POU5F1: variants seen among roughly 807,000 people sequenced by gnomAD.
POU5F1 encodes the protein POU class 5 homeobox 1.
POU5F1 carries 6 observed loss-of-function variants against 38.3 expected under a neutral mutation model. That is an observed-to-expected ratio of 0.16 (90% CI 0.09 to 0.31). POU5F1 has a LOEUF of 0.31. Ranked by LOEUF, POU5F1 falls within the 10% of genes least tolerant of loss-of-function variation. POU5F1 has a pLI of 1.00. For missense variants in POU5F1, 286 were observed against 462.6 expected, an observed-to-expected ratio of 0.62 and a Z score of 3.50; for synonymous variants, 147 against 194.9, an observed-to-expected ratio of 0.75 and a Z score of 2.05.
At chr6:31,169,923 C>A in intron 1 of POU5F1, 1 of 530,648 alleles carries the variant, frequency 1.9e-6, no homozygotes, top group South Asian at 2.3e-5. Context: ...GTGAGAGACC[C>A]TGACAAGGGC....
chr6:31,170,106 T>C, intron 1 of POU5F1, 110 bp downstream of exon 1: 1 of 1,574,502 alleles, frequency 6.4e-7, no homozygotes, highest in Non-Finnish European at 8.7e-7. Context: ...TGACCCTGCC[T>C]GCTCCTCTCC....
At chr6:31,169,848 A>G (rs575699028) in intron 1 of POU5F1, 1 of 374,244 alleles carries the variant, frequency 2.7e-6, no homozygotes, top group African/African-American at 2.0e-5. Context: ...GCTCAAACCA[A>G]CCCCAAGCTG....
In POU5F1 at chr6:31,165,348, A is replaced by G. The variant is rs1411128362; in HGVS notation, c.658-62T>C. On this transcript the variant is annotated intron_variant, in intron 3 of 4. Coordinates refer to ENST00000259915, the MANE Select transcript of POU5F1 (RefSeq NM_002701.6). This position sits in a 1 kb window ranked among gnomAD's most constrained non-coding sequence, Gnocchi z 6.5. ...TGGACTTGCTGAGTAACAGCATCAC[A>G]GGGGTCTGTGACTAGATGTGTCAGC... 2 of 1,583,928 alleles carry G rather than the reference A, an allele frequency of 1.3e-6. No homozygotes were observed. The highest frequency in any genetic ancestry group is 1.7e-6 in the Non-Finnish European group (2 of 1,163,374).
chr6:31,166,139 GC>G, intron 1 of POU5F1, 92 bp from the exon 2 acceptor site: 1 of 1,613,436 alleles, frequency 6.2e-7, no homozygotes. Context: ...CCTACGTGTG[GC>G]CCCAAGGAAT....
At chr6:31,168,438 T>G (rs1777441509) in intron 1 of POU5F1, among the ~76,000 whole-genome samples, 1 of 152,112 alleles carries the variant, frequency 6.6e-6, no homozygotes, top group Non-Finnish European at 1.5e-5. Flanking sequence ...TTTCGCCATG[T>G]TGGTCAGGCT....
intron 1 of POU5F1, among the ~76,000 whole-genome samples, chr6:31,167,401 T>C (rs548267885): frequency 3.3e-5 from 5 of 150,708 alleles, no homozygotes; most frequent in Non-Finnish European, 7.4e-5. Flanking sequence ...AAAATATATA[T>C]ATATATTATG....
At chr6:31,168,504 G>T (rs1777446804) in intron 1 of POU5F1, among the ~76,000 whole-genome samples, 1 of 152,174 alleles carries the variant, frequency 6.6e-6, no homozygotes, top group Non-Finnish European at 1.5e-5. Context: ...CAAAGTGCCT[G>T]GCCACACCTT....
Position 31,170,659 on chromosome 6 carries a change from T to G in POU5F1, c.-39A>C. 1.3e-6 allele frequency: 2 copies of G among 1,522,772 alleles called. No individual in the cohort carries two copies. Among genetic ancestry groups the G allele is most frequent in the Non-Finnish European group, 1.8e-6 (2 of 1,133,930 alleles). 94.3% of individuals were successfully genotyped at this position (1,522,772 alleles called of 1,614,324 possible). On this transcript the variant is annotated 5_prime_UTR_variant, in exon 1 of 5. Coordinates refer to ENST00000259915, the MANE Select transcript of POU5F1 (RefSeq NM_002701.6). ...GCCCCAAGCCGGGGGCCTGGTGAAATGAGGGCTTGCGAAGGGACTACTCAA... is the reference window on the plus strand; with the variant it reads ...GCCCCAAGCCGGGGGCCTGGTGAAAGGAGGGCTTGCGAAGGGACTACTCAA...
chr6:31,166,079 A>C, intron 1 of POU5F1, 32 bp from the exon 2 acceptor site: 6 of 1,614,212 alleles, frequency 3.7e-6, no homozygotes, highest in Non-Finnish European at 5.1e-6. Flanking sequence ...ACTTGTAAGA[A>C]CATAAACACA....
rs1561855126 is a variant in POU5F1, at chr6:31,165,563, AC to A, written c.657+7del. ...GAAGGTCCCCGGGTATCCCCCTCCC[AC>A]CCTTACCTCCTGAAGATTTTCATTG... is the stretch of plus-strand genomic sequence containing the variant. On this transcript the variant is annotated splice_region_variant and intron_variant, in intron 3 of 4. Transcript: ENST00000259915. The surrounding 1 kb of genome is among the most constrained non-coding windows in gnomAD (Gnocchi z 6.5). 6.2e-7 allele frequency: 1 copy of A among 1,613,426 alleles called. No individual in the cohort carries two copies. The highest frequency in any genetic ancestry group is 1.7e-5 in the Admixed American group (1 of 60,002).
intron 1 of POU5F1, chr6:31,166,297 G>A: frequency 6.6e-7 from 1 of 1,518,170 alleles, no homozygotes; most frequent in African/African-American, 1.4e-5. Context: ...CACATCCAAG[G>A]GATGCAGAGC....
At chr6:31,166,434 G>A (rs1002211292) in intron 1 of POU5F1, 6 of 1,359,098 alleles carry the variant, frequency 4.4e-6, no homozygotes, top group Non-Finnish European at 5.8e-6. Flanking sequence ...GCCGAGGTGG[G>A]CAGATCACGA....
rs1227144047 is a variant in POU5F1, at chr6:31,165,876, G to A, written c.526+51C>T. ...CCCTGCCCCTCCCCACTAGGTTCAG[G>A]GATACTCCTTAGAGGGGAGATGCGG... On this transcript the variant is annotated intron_variant, in intron 2 of 4. Coordinates refer to ENST00000259915, the MANE Select transcript of POU5F1 (RefSeq NM_002701.6). This position sits in a 1 kb window ranked among gnomAD's most constrained non-coding sequence, Gnocchi z 6.5. 1 of 1,611,030 alleles carries A rather than the reference G, an allele frequency of 6.2e-7. No individual in the cohort carries two copies. The highest frequency in any genetic ancestry group is 8.5e-7 in the Non-Finnish European group (1 of 1,178,202).
intron 1 of POU5F1, among the ~76,000 whole-genome samples, chr6:31,167,901 A>G (rs940229209): frequency 1.3e-5 from 2 of 151,996 alleles, no homozygotes; most frequent in African/African-American, 4.8e-5. Context: ...ATCCTGTTGC[A>G]GACATAGTGA....
In POU5F1 at chr6:31,164,393, T is replaced by G. The variant is rs927467930; in HGVS notation, c.*208A>C. On this transcript the variant is annotated 3_prime_UTR_variant, in exon 5 of 5. Transcript: ENST00000259915. ...CTTTATTTAAGAAAAAAGTGATACA[T>G]GATGTGGGATTAAAATCAAGAGCAT... The G allele has an allele frequency of 6.9e-5, 76 of 1,102,136 alleles. No homozygotes were observed. The highest frequency in any genetic ancestry group is 9.2e-5 in the Non-Finnish European group (72 of 782,392). 68.3% of individuals were successfully genotyped at this position (1,102,136 alleles called of 1,614,324 possible).
In POU5F1 at chr6:31,170,205, A is replaced by G. The variant is rs1269653181; in HGVS notation, c.405+11T>C. Reference sequence around the variant, plus strand: ...CCTCCCCACACCCCAACCCCGTCGAAGCTCACTTGCCTCCTCCGGGTTTTG... The same window carrying G: ...CCTCCCCACACCCCAACCCCGTCGAGGCTCACTTGCCTCCTCCGGGTTTTG... On this transcript the variant is annotated intron_variant, in intron 1 of 4. Transcript: ENST00000259915. 6.2e-7 allele frequency: 1 copy of G among 1,612,712 alleles called. No homozygotes were observed. The highest frequency in any genetic ancestry group is 8.5e-7 in the Non-Finnish European group (1 of 1,179,834).
intron 1 of POU5F1, chr6:31,167,227 TAAATA>T (rs1207339425): frequency 6.7e-6 from 2 of 297,138 alleles, no homozygotes; most frequent in African/African-American, 4.4e-5. Context: ...AATAAAAAAG[TAAATA>T]AAATAAAAAA....
chr6:31,169,381 C>T (rs1486738119), intron 1 of POU5F1, among the ~76,000 whole-genome samples: 3 of 152,314 alleles, frequency 2.0e-5, no homozygotes, highest in South Asian at 2.1e-4. Flanking sequence ...TTACACTTGT[C>T]GCCTTGAAGG....
At chr6:31,167,965 C>T (rs542861846) in intron 1 of POU5F1, among the ~76,000 whole-genome samples, 6 of 150,548 alleles carry the variant, frequency 4.0e-5, no homozygotes, top group African/African-American at 9.8e-5. Flanking sequence ...CCCACCAAGA[C>T]GGAATCTCGT....
Sources: allele counts gnomAD v4.1 joint callset (sites outside exome capture counted in the v4.1 genomes callset), GRCh38; gene constraint gnomAD v4.1.1; non-coding constraint Gnocchi (gnomAD v3.1); transcripts MANE v1.5; gene names NCBI Gene and HGNC (gene_info 2026-07-23, HGNC 2026-07-21).